ROR2: variants seen among roughly 807,000 people sequenced by gnomAD.
The protein encoded by ROR2 is ROR family WNT receptor 2.
ROR2 carries 33 observed loss-of-function variants against 74.9 expected under a neutral mutation model. That is an observed-to-expected ratio of 0.44 (90% CI 0.33 to 0.59). The LOEUF (loss-of-function observed/expected upper bound fraction) is 0.59. Ranked by LOEUF, ROR2 falls within the 20% of genes least tolerant of loss-of-function variation. ROR2 has a pLI of 0.02. For synonymous variants in ROR2, 586 were observed against 558.7 expected, an observed-to-expected ratio of 1.05 and a Z score of -0.69; for missense variants, 1,216 against 1,313.8, an observed-to-expected ratio of 0.93 and a Z score of 1.15.
At chr9:91,920,033 T>C (rs544413103) in intron 1 of ROR2, among the ~76,000 whole-genome samples, 3 of 152,128 alleles carry the variant, frequency 2.0e-5, no homozygotes, top group Non-Finnish European at 2.9e-5. Flanking sequence ...TAAATCCCAC[T>C]CAACTCCCAA....
At chr9:91,856,750 C>A (rs962044207) in intron 1 of ROR2, among the ~76,000 whole-genome samples, 2 of 152,210 alleles carry the variant, frequency 1.3e-5, no homozygotes, top group African/African-American at 4.8e-5. Context: ...CTGACAAATA[C>A]GATGTCCTTG....
In ROR2 at chr9:91,726,643, G is replaced by A. The variant is rs373629418; in HGVS notation, c.1284C>T (p.Cys428=). The stretch of plus-strand genomic sequence containing the variant: ...ACGCAGATGCCTTCTGCTTATTCCG[G>A]CACATGCAAACCAAGAAGAAAAGGC... The part of the protein sequence containing the change: ...IACLFFLVCM[C]RNKQKASAST... The change falls in exon 8 of 9, where the codon TGC becomes TGT. Residue 428 remains cysteine, a synonymous_variant. Coordinates refer to ENST00000375708, the MANE Select transcript of ROR2 (RefSeq NM_004560.4). 2 of 1,613,980 alleles carry A rather than the reference G, an allele frequency of 1.2e-6. No individual in the cohort carries two copies. Among genetic ancestry groups the A allele is most frequent in the African/African-American group, 2.7e-5 (2 of 74,974 alleles).
intron 4 of ROR2, among the ~76,000 whole-genome samples, chr9:91,741,212 A>G (rs1269860363): frequency 2.0e-5 from 3 of 151,916 alleles, no homozygotes; most frequent in Non-Finnish European, 2.9e-5. Flanking sequence ...AGGCAGGGGA[A>G]TCGCTTGAAC....
chr9:91,786,775 A>G (rs1435687801), intron 1 of ROR2, among the ~76,000 whole-genome samples: 1 of 152,196 alleles, frequency 6.6e-6, no homozygotes, highest in African/African-American at 2.4e-5. Flanking sequence ...CCCCTGGGGC[A>G]TTATGAAAAC....
intron 7 of ROR2, among the ~76,000 whole-genome samples, chr9:91,728,075 G>A (rs1837105195): frequency 6.6e-6 from 1 of 152,130 alleles, no homozygotes; most frequent in East Asian, 1.9e-4. Flanking sequence ...ATTAAGGTTA[G>A]CAGGAGAGTC....
intron 1 of ROR2, among the ~76,000 whole-genome samples, chr9:91,860,036 G>GGAGGCGAAAACAA (rs1401592939): frequency 1.3e-5 from 2 of 152,174 alleles, no homozygotes; most frequent in Non-Finnish European, 2.9e-5. Context: ...CACAGGCAGG[G>GGAGGCGAAAACAA]GCCTCTCTTG....
chr9:91,863,562 T>C (rs1191875189), intron 1 of ROR2, among the ~76,000 whole-genome samples: 1 of 152,000 alleles, frequency 6.6e-6, no homozygotes, highest in Non-Finnish European at 1.5e-5. Context: ...ACGTGGTGTA[T>C]CTGTACAGTG....
At chr9:91,754,813 GA>G in intron 4 of ROR2, among the ~76,000 whole-genome samples, 1 of 152,236 alleles carries the variant, frequency 6.6e-6, no homozygotes, top group Non-Finnish European at 1.5e-5. Context: ...GACTATTAAG[GA>G]AAAATGCTCC....
chr9:91,726,417 G>A, intron 8 of ROR2, 124 bp downstream of exon 8: 1 of 956,704 alleles, frequency 1.0e-6, no homozygotes, highest in South Asian at 1.4e-5. Flanking sequence ...GCAAAATGAA[G>A]CGGAGTTTAA....
At chr9:91,878,894 G>A (rs1019361225) in intron 1 of ROR2, among the ~76,000 whole-genome samples, 3 of 152,020 alleles carry the variant, frequency 2.0e-5, no homozygotes, top group South Asian at 2.1e-4. Context: ...TGGCTAACAC[G>A]GTGAAACCAT....
At chr9:91,924,050 G>A (rs953629425) in intron 1 of ROR2, 4 of 152,442 alleles carry the variant, frequency 2.6e-5, no homozygotes, top group Non-Finnish European at 5.9e-5. Flanking sequence ...CCTGAAATCC[G>A]TCTCCACTAC....
chr9:91,729,377 G>A (rs1037946516), intron 7 of ROR2, among the ~76,000 whole-genome samples: 3 of 152,180 alleles, frequency 2.0e-5, no homozygotes, highest in Non-Finnish European at 2.9e-5. Flanking sequence ...TGCCTAGACC[G>A]CAATTTGAAT....
intron 4 of ROR2, among the ~76,000 whole-genome samples, chr9:91,746,914 G>A (rs1303530905): frequency 6.6e-6 from 1 of 151,892 alleles, no homozygotes. Context: ...GCACACACCT[G>A]TGGGCCATGG....
chr9:91,860,378 G>A (rs1277111088), intron 1 of ROR2, among the ~76,000 whole-genome samples: 2 of 152,178 alleles, frequency 1.3e-5, no homozygotes, highest in South Asian at 2.1e-4. Context: ...GGTGGCTTGA[G>A]GGGGAAGATA....
At chr9:91,735,606 C>CTTTTTTTTTTTTTTTTTTTTTTTTTT (rs35146225) in intron 5 of ROR2, among the ~76,000 whole-genome samples, 17 of 79,012 alleles carry the variant, frequency 2.2e-4, no homozygotes, top group East Asian at 1.0e-3. Context: ...AGGGCTCTAA[C>CTTTTTTTTTTTTTTTTTTTTTTTTTT]TTTTTTTTTT....
chr9:91,726,655 CAAG>C lies in ROR2; in HGVS notation c.1269_1271del (p.Phe423del). Reference sequence around the variant, plus strand: ...TCTGCTTATTCCGGCACATGCAAACCAAGAAGAAAAGGCAAGCGATGACCAGTG... The same window carrying C: ...TCTGCTTATTCCGGCACATGCAAACCAAGAAAAGGCAAGCGATGACCAGTG... On this transcript the variant is annotated inframe_deletion, in exon 8 of 9. Coordinates refer to ENST00000375708, the MANE Select transcript of ROR2 (RefSeq NM_004560.4). The C allele has an allele frequency of 1.2e-6, 2 of 1,614,008 alleles. No individual in the cohort carries two copies. Among genetic ancestry groups the C allele is most frequent in the Non-Finnish European group, 1.7e-6 (2 of 1,180,024 alleles).
At chr9:91,732,195 C>T (rs1286376436) in intron 6 of ROR2, among the ~76,000 whole-genome samples, 1 of 152,192 alleles carries the variant, frequency 6.6e-6, no homozygotes, top group African/African-American at 2.4e-5. Flanking sequence ...GGCCCGTTCC[C>T]TAGGTCTCAC....
intron 4 of ROR2, among the ~76,000 whole-genome samples, chr9:91,752,022 G>A (rs555938752): frequency 1.1e-4 from 16 of 152,260 alleles, no homozygotes; most frequent in African/African-American, 3.9e-4. Context: ...TTTTTCAAGA[G>A]GCTGGAATGA....
At chr9:91,798,652 C>T (rs1827271006) in intron 1 of ROR2, among the ~76,000 whole-genome samples, 1 of 149,612 alleles carries the variant, frequency 6.7e-6, no homozygotes, top group Admixed American at 6.6e-5. Context: ...AGCTGACACC[C>T]TGGGCTCTGT....
Sources: allele counts gnomAD v4.1 joint callset (sites outside exome capture counted in the v4.1 genomes callset), GRCh38; gene constraint gnomAD v4.1.1; transcripts MANE v1.5; gene names NCBI Gene and HGNC (gene_info 2026-07-23, HGNC 2026-07-21).